Variants in TMEM178B observed in about 807,000 individuals in gnomAD.
TMEM178B encodes transmembrane protein 178B.
Under a neutral mutation model 31.0 loss-of-function variants are expected in TMEM178B, and 5 were observed. That is an observed-to-expected ratio of 0.16 (90% CI 0.08 to 0.34). TMEM178B has a LOEUF of 0.34. Among genes scored for constraint, TMEM178B ranks in the 10% least tolerant of loss-of-function variants. TMEM178B has a pLI of 1.00. For synonymous variants in TMEM178B, 164 were observed against 164.0 expected (o/e 1.00, Z 0.00); for missense variants, 275 against 400.3 (o/e 0.69, Z 2.67).
At chr7:141,315,860 A>G (rs1488535243) in intron 2 of TMEM178B, among the ~76,000 whole-genome samples, 3 of 152,204 alleles carry the variant, frequency 2.0e-5, no homozygotes, top group African/African-American at 7.2e-5. Flanking sequence ...GAGCTATTTT[A>G]CAAACTTATT....
At chr7:141,080,355 G>A (rs986501397) in intron 1 of TMEM178B, among the ~76,000 whole-genome samples, 6 of 152,246 alleles carry the variant, frequency 3.9e-5, no homozygotes, top group South Asian at 2.1e-4. Context: ...GCACGGTGGC[G>A]CACGCCTGTA....
At chr7:141,365,008 T>A (rs1033726117) in intron 2 of TMEM178B, among the ~76,000 whole-genome samples, 1 of 152,264 alleles carries the variant, frequency 6.6e-6, no homozygotes, top group African/African-American at 2.4e-5. Context: ...AAAAGAATTT[T>A]AAAACCTTTT....
At chr7:141,078,782 T>C (rs2129170562) in intron 1 of TMEM178B, among the ~76,000 whole-genome samples, 1 of 152,210 alleles carries the variant, frequency 6.6e-6, no homozygotes, top group East Asian at 1.9e-4. Context: ...TTTCAGGCAA[T>C]GGGCCAGCAT....
intron 2 of TMEM178B, among the ~76,000 whole-genome samples, chr7:141,385,883 A>G (rs1364964595): frequency 6.6e-6 from 1 of 152,216 alleles, no homozygotes; most frequent in Non-Finnish European, 1.5e-5. Flanking sequence ...TAACTTTAAA[A>G]ATGATTCCAG....
the TMEM178B span, among the ~76,000 whole-genome samples, chr7:141,502,290 G>A: frequency 7.8e-6 from 1 of 128,968 alleles, no homozygotes; most frequent in Non-Finnish European, 1.5e-5. Context: ...TAGTGTTCCA[G>A]TGACTACTAA....
At chr7:141,279,946 C>A (rs185540495) in intron 2 of TMEM178B, among the ~76,000 whole-genome samples, 31 of 152,380 alleles carry the variant, frequency 2.0e-4, no homozygotes, top group Admixed American at 5.9e-4. Context: ...AATACTCTTT[C>A]AGTTGCAAGT....
chr7:141,508,213 C>T, the TMEM178B span, among the ~76,000 whole-genome samples: 1 of 152,176 alleles, frequency 6.6e-6, no homozygotes, highest in African/African-American at 2.4e-5. Flanking sequence ...TTCCACAAAT[C>T]TCTAGGGCAG....
At chr7:141,326,646 C>T (rs1410853437) in intron 2 of TMEM178B, among the ~76,000 whole-genome samples, 1 of 152,104 alleles carries the variant, frequency 6.6e-6, no homozygotes, top group Non-Finnish European at 1.5e-5. Flanking sequence ...CACAACGATG[C>T]CCCTTCATTT....
intron 1 of TMEM178B, among the ~76,000 whole-genome samples, chr7:141,111,487 T>A (rs1185673413): frequency 6.6e-6 from 1 of 152,248 alleles, no homozygotes; most frequent in Non-Finnish European, 1.5e-5. Context: ...TGGCATCTGC[T>A]AACCTGTCCT....
chr7:141,463,108 G>T (rs573505849), intron 3 of TMEM178B, among the ~76,000 whole-genome samples: 104 of 152,310 alleles, frequency 6.8e-4, no homozygotes, highest in African/African-American at 2.5e-3. Context: ...ACTTGGGGTG[G>T]TGCCATCCCT....
At chr7:141,180,374 C>T (rs532833544) in intron 1 of TMEM178B, among the ~76,000 whole-genome samples, 12 of 147,082 alleles carry the variant, frequency 8.2e-5, no homozygotes, top group Admixed American at 3.4e-4. Context: ...GCAGGAGAAT[C>T]GCTTGAACCC....
intron 2 of TMEM178B, among the ~76,000 whole-genome samples, chr7:141,264,580 T>C (rs1798064853): frequency 6.6e-6 from 1 of 152,064 alleles, no homozygotes; most frequent in South Asian, 2.1e-4. Flanking sequence ...ATGAATAGAG[T>C]GGGAGACATG....
intron 2 of TMEM178B, among the ~76,000 whole-genome samples, chr7:141,283,853 T>A (rs1257260770): frequency 1.3e-5 from 2 of 152,218 alleles, no homozygotes; most frequent in Admixed American, 6.5e-5. Context: ...GTGAAAGGAC[T>A]TATCTGGAAT....
chr7:141,281,822 C>T (rs1798366585), intron 2 of TMEM178B, among the ~76,000 whole-genome samples: 1 of 152,018 alleles, frequency 6.6e-6, no homozygotes, highest in Non-Finnish European at 1.5e-5. Context: ...GAGGAGAGCA[C>T]AGGAAAGCGG....
chr7:141,260,443 A>G (rs187288541), intron 2 of TMEM178B, among the ~76,000 whole-genome samples: 7 of 152,152 alleles, frequency 4.6e-5, no homozygotes, highest in African/African-American at 1.2e-4. Context: ...CCCCAGTTCT[A>G]TCACCGTTTG....
At chr7:141,362,946 G>A (rs1040980095) in intron 2 of TMEM178B, among the ~76,000 whole-genome samples, 2 of 152,170 alleles carry the variant, frequency 1.3e-5, no homozygotes, top group South Asian at 2.1e-4. Context: ...AGATATGGCC[G>A]GAACCATGGC....
chr7:141,280,767 G>A (rs1197444179), intron 2 of TMEM178B, among the ~76,000 whole-genome samples: 2 of 151,830 alleles, frequency 1.3e-5, no homozygotes, highest in Non-Finnish European at 2.9e-5. Flanking sequence ...CTGATTCCAC[G>A]GGTCTGGGGT....
At chr7:141,222,680 G>A (rs1288118674) in intron 2 of TMEM178B, among the ~76,000 whole-genome samples, 1 of 152,124 alleles carries the variant, frequency 6.6e-6, no homozygotes, top group Non-Finnish European at 1.5e-5. Flanking sequence ...TTGACTCTGT[G>A]CAACCTGTGC....
At chr7:141,408,021 T>G (rs1330768344) in intron 2 of TMEM178B, among the ~76,000 whole-genome samples, 1 of 152,100 alleles carries the variant, frequency 6.6e-6, no homozygotes, top group South Asian at 2.1e-4. Flanking sequence ...ACCAGAGACT[T>G]TACACACATC....
Sources: allele counts gnomAD v4.1 joint callset (sites outside exome capture counted in the v4.1 genomes callset), GRCh38; gene constraint gnomAD v4.1.1; transcripts MANE v1.5; gene names NCBI Gene and HGNC (gene_info 2026-07-23, HGNC 2026-07-21).